Variants in TMEM132A observed in about 807,000 individuals in gnomAD.
TMEM132A encodes GRP78-binding protein.
A neutral mutation model predicts 69.9 loss-of-function variants in TMEM132A; 48 were observed. That is an observed-to-expected ratio of 0.69 (90% confidence interval 0.55 to 0.87). The LOEUF (loss-of-function observed/expected upper bound fraction) is 0.87, where lower values mean the gene tolerates loss of function less well. Ranked by LOEUF, TMEM132A falls within the 40% of genes least tolerant of loss-of-function variation. TMEM132A has a pLI of 0.00. For synonymous variants in TMEM132A, 577 were observed against 613.7 expected (o/e 0.94, Z 0.88); for missense variants, 1,287 against 1,407.2 (o/e 0.91, Z 1.37).
At chr11:60,930,462 C>A in intron 4 of TMEM132A, 48 bp from the exon 5 acceptor site, 1 of 1,519,484 alleles carries the variant, frequency 6.6e-7, no homozygotes, top group Non-Finnish European at 8.8e-7. Flanking sequence ...ATCCAGCCCA[C>A]AGTTCAGCAT....
chr11:60,933,704 G>T lies in TMEM132A; in HGVS notation c.1519G>T (p.Glu507Ter), dbSNP rs953558337. The T allele has an allele frequency of 1.9e-6, 3 of 1,598,320 alleles. No individual in the cohort carries two copies. The highest frequency in any genetic ancestry group is 2.3e-5 in the East Asian group (1 of 44,256). Reference protein sequence around the residue: ...LRIELTDTTLEQVRGWRVPGP... With the variant: ...LRIELTDTTL Reference sequence around the variant, plus strand: ...TATCGAGCTCACCGACACCACCCTCGAGCAGGTCCGCGGCTGGAGGGTACC... The same window carrying T: ...TATCGAGCTCACCGACACCACCCTCTAGCAGGTCCGCGGCTGGAGGGTACC... Residue 507 changes from glutamate to a stop codon, truncating the protein, a stop_gained, in exon 8 of 11, where the codon GAG becomes TAG. Coordinates refer to ENST00000453848, the MANE Select transcript of TMEM132A (RefSeq NM_178031.3). LOFTEE classifies it high-confidence loss of function.
intron 3 of TMEM132A, among the ~76,000 whole-genome samples, 154 bp downstream of exon 3, chr11:60,928,013 A>G (rs1286992899): frequency 1.3e-5 from 2 of 152,200 alleles, no homozygotes; most frequent in African/African-American, 4.8e-5. Flanking sequence ...CAGTGCTGTG[A>G]AAAGGTTATT....
In TMEM132A at chr11:60,935,326, G is replaced by A. The variant is rs755999278; in HGVS notation, c.1911G>A (p.Leu637=). ...TGACGGACGACAAGGTCTCAGTGCT[G>A]GAGCTGAGGGTGCAGCCAGTGATGG... ...LAVTDDKVSV[L]ELRVQPVMGI... Residue 637 remains leucine (L), a synonymous_variant, in exon 10 of 11, where the codon CTG becomes CTA. Transcript: ENST00000453848. This position sits in a 1 kb window ranked among gnomAD's most constrained non-coding sequence, Gnocchi z 5.0. 6.2e-7 allele frequency: 1 copy of A among 1,613,088 alleles called. No individual in the cohort carries two copies. The highest frequency in any genetic ancestry group is 1.1e-5 in the South Asian group (1 of 90,758).
chr11:60,932,335 A>G (rs1856499203), intron 7 of TMEM132A: 2 of 532,766 alleles, frequency 3.8e-6, no homozygotes, highest in Non-Finnish European at 6.2e-6. Flanking sequence ...CCCCGACCTT[A>G]GACACTTTCA....
Position 60,935,851 on chromosome 11 carries a change from G to A in TMEM132A, c.2029-13G>A, listed in dbSNP as rs1565123361. The A allele has an allele frequency of 6.2e-7, 1 of 1,610,536 alleles. No homozygotes were observed. Among genetic ancestry groups the A allele is most frequent in the East Asian group, 2.2e-5 (1 of 44,878 alleles). The stretch of plus-strand genomic sequence containing the variant: ...CCCTCGCATGTCTCTGCCTGTGTCT[G>A]TGTGCCCCACAGGAGGTGGCCCTCT... On this transcript the variant is annotated splice_polypyrimidine_tract_variant and intron_variant, in intron 10 of 10. Coordinates refer to ENST00000453848, the MANE Select transcript of TMEM132A (RefSeq NM_178031.3). The surrounding 1 kb of genome is among the most constrained non-coding windows in gnomAD (Gnocchi z 5.0).
chr11:60,935,194 C>T lies in TMEM132A; in HGVS notation c.1837-58C>T. On this transcript the variant is annotated intron_variant, in intron 9 of 10. Coordinates refer to ENST00000453848, the MANE Select transcript of TMEM132A (RefSeq NM_178031.3). This position sits in a 1 kb window ranked among gnomAD's most constrained non-coding sequence, Gnocchi z 5.0. ...GGGTGCTGGGAGCACCCGGTTCCCTCTGGGTGGGGGCTGTCTGTATGGAAG... is the reference window on the plus strand; with the variant it reads ...GGGTGCTGGGAGCACCCGGTTCCCTTTGGGTGGGGGCTGTCTGTATGGAAG... The T allele has an allele frequency of 1.3e-6, 2 of 1,516,306 alleles. No individual in the cohort carries two copies. The highest frequency in any genetic ancestry group is 9.0e-7 in the Non-Finnish European group (1 of 1,117,158). The allele number at this position is 1,516,306 out of a possible 1,614,324, so 93.9% of individuals were successfully genotyped here. A position where few individuals can be genotyped will look rare whatever the true frequency, so the allele number is the denominator to read the frequency against.
chr11:60,936,435 A>G lies in TMEM132A; in HGVS notation c.2600A>G (p.Asn867Ser), dbSNP rs773485201. The change falls in exon 11 of 11, where the codon AAT becomes AGT. Residue 867 changes from asparagine (N) to serine (S), a missense_variant. Physicochemically the swap from Asn to Ser is conservative, Grantham distance 46 (BLOSUM62 1). Transcript: ENST00000453848. The stretch of plus-strand genomic sequence containing the variant: ...GTGGCCATCTTCATCTTCTTGGTCA[A>G]TGGTGTGGTCTTCGTCCTGCGCTAT... The part of the protein sequence containing the change: ...FCVAIFIFLV[N>S]GVVFVLRYQR... The G allele has an allele frequency of 9.3e-6, 15 of 1,614,038 alleles. No individual in the cohort carries two copies. Among genetic ancestry groups the G allele is most frequent in the Non-Finnish European group, 1.3e-5 (15 of 1,180,020 alleles).
rs1389786317 is a variant in TMEM132A at position 60,927,308 on chromosome 11, C to A, written c.205C>A (p.Pro69Thr). 1 of 1,613,420 alleles carries A rather than the reference C, an allele frequency of 6.2e-7. No individual in the cohort carries two copies. The highest frequency in any genetic ancestry group is 2.2e-5 in the East Asian group (1 of 44,872). The part of the protein sequence containing the change: ...FRVQQVGHYP[P>T]ANSSLSSRSE... The stretch of plus-strand genomic sequence containing the variant: ...TGTGCAGCAGGTGGGCCACTACCCA[C>A]CTGCCAACTCCTCTCTGAGCTCCCG... Residue 69 changes from proline to threonine, a missense_variant, in exon 2 of 11, where the codon CCT becomes ACT. By Grantham distance (38) the Pro-to-Thr change is conservative. Coordinates refer to ENST00000453848, the MANE Select transcript of TMEM132A (RefSeq NM_178031.3).
chr11:60,931,158 C>T (rs1295466046), intron 5 of TMEM132A, among the ~76,000 whole-genome samples: 1 of 152,270 alleles, frequency 6.6e-6, no homozygotes, highest in Non-Finnish European at 1.5e-5. Flanking sequence ...TAACATTCCC[C>T]TACCCAAGCC....
In TMEM132A at chr11:60,934,521, G is replaced by A. The variant is rs1476438004; in HGVS notation, c.1593G>A (p.Glu531=). 6.9e-6 allele frequency: 10 copies of A among 1,446,616 alleles called. No homozygotes were observed. The East Asian group carries it at 1.1e-4, about 16-fold the overall frequency. 89.6% of individuals were successfully genotyped at this position (1,446,616 alleles called of 1,614,324 possible). Residue 531 remains glutamate, a synonymous_variant, in exon 9 of 11, where the codon GAG becomes GAA. Transcript: ENST00000453848. ...AACCCGCTGCAGAGGCGTCGGATGA[G>A]GCCGAGCGGCGCGCCCGTGGCTGCC... ...PAEPAAEASD[E]AERRARGCHL...
chr11:60,935,472 G>A lies in TMEM132A; in HGVS notation c.2028+29G>A, dbSNP rs771338804. 13 of 1,570,076 alleles carry A rather than the reference G, an allele frequency of 8.3e-6. No homozygotes were observed. The South Asian group carries it at 1.1e-4, about 13-fold the overall frequency. On this transcript the variant is annotated intron_variant, in intron 10 of 10. Coordinates refer to ENST00000453848, the MANE Select transcript of TMEM132A (RefSeq NM_178031.3). The surrounding 1 kb of genome is among the most constrained non-coding windows in gnomAD (Gnocchi z 5.0). ...ACAGTTGGGGGGTCAGGGGGATGAG[G>A]TCAACATCTCCAGATGGGGGCTCAT...
In TMEM132A at chr11:60,936,652, C is replaced by T; in HGVS notation, c.2817C>T (p.Gly939=). 1 of 1,554,932 alleles carries T rather than the reference C, an allele frequency of 6.4e-7. No individual in the cohort carries two copies. The highest frequency in any genetic ancestry group is 8.7e-7 in the Non-Finnish European group (1 of 1,151,788). The change falls in exon 11 of 11, where the codon GGC becomes GGT. Residue 939 remains glycine (G), a synonymous_variant. Transcript: ENST00000453848. ...GGGEAPTLAP[G]PPGGTTSSSS... The stretch of plus-strand genomic sequence containing the variant: ...GGGAGGCCCCTACCCTGGCCCCTGG[C>T]CCTCCTGGGGGCACCACCAGCTCCT...
intron 4 of TMEM132A, among the ~76,000 whole-genome samples, 163 bp from the exon 5 acceptor site, chr11:60,930,347 A>C (rs1352706945): frequency 6.6e-6 from 1 of 152,110 alleles, no homozygotes; most frequent in African/African-American, 2.4e-5. Flanking sequence ...GTAAGGTGTG[A>C]GCTGCACTGA....
At chr11:60,934,828 C>T (rs1856554359) in intron 9 of TMEM132A, 64 bp downstream of exon 9, 3 of 1,494,212 alleles carry the variant, frequency 2.0e-6, no homozygotes, top group African/African-American at 1.4e-5. Context: ...CCAAAATGTT[C>T]GTGGGTGGGA....
chr11:60,936,177 C>T lies in TMEM132A; in HGVS notation c.2342C>T (p.Ala781Val). ...TPAPALPSSPAWSPPATEATM... is the reference protein window; with the variant it reads ...TPAPALPSSPVWSPPATEATM... ...GCCCCTGCTCTCCCATCCAGCCCTG[C>T]TTGGAGCCCACCAGCCACAGAAGCC... Residue 781 changes from alanine (A) to valine (V), a missense_variant, in exon 11 of 11, where the codon GCT (alanine) becomes GTT (valine). Physicochemically the swap from Ala to Val is moderately conservative, Grantham distance 64 (BLOSUM62 0). Coordinates refer to ENST00000453848, the MANE Select transcript of TMEM132A (RefSeq NM_178031.3). 6.2e-7 allele frequency: 1 copy of T among 1,613,962 alleles called. No individual in the cohort carries two copies. Among genetic ancestry groups the T allele is most frequent in the Non-Finnish European group, 8.5e-7 (1 of 1,179,908 alleles).
At chr11:60,931,555 T>G in intron 5 of TMEM132A, 134 bp from the exon 6 acceptor site, 1 of 885,910 alleles carries the variant, frequency 1.1e-6, no homozygotes, top group Non-Finnish European at 1.7e-6. Flanking sequence ...CTGTGTGGTC[T>G]TAAGTGAGCT....
Position 60,934,537 on chromosome 11 carries a change from C to T in TMEM132A, c.1609C>T (p.Arg537Cys), listed in dbSNP as rs757327072. Residue 537 changes from arginine (R) to cysteine (C), a missense_variant, in exon 9 of 11, where the codon CGT (arginine) becomes TGT (cysteine). Physicochemically the swap from Arg to Cys is radical, Grantham distance 180. Transcript: ENST00000453848. The stretch of plus-strand genomic sequence containing the variant: ...GTCGGATGAGGCCGAGCGGCGCGCC[C>T]GTGGCTGCCACCTGCAGTACCAGCG... ...EASDEAERRA[R>C]GCHLQYQRAG... The T allele has an allele frequency of 2.0e-5, 29 of 1,478,688 alleles. No homozygotes were observed. The African/African-American group carries it at 2.9e-4, about 15-fold the overall frequency. The allele number at this position is 1,478,688 out of a possible 1,614,324, so 91.6% of individuals were successfully genotyped here.
intron 3 of TMEM132A, among the ~76,000 whole-genome samples, chr11:60,928,338 G>A (rs1223625063): frequency 1.3e-5 from 2 of 152,190 alleles, no homozygotes; most frequent in Non-Finnish European, 2.9e-5. Flanking sequence ...ATTCTAGGCA[G>A]GATAGTCCTG....
At position 60,936,099 on chromosome 11, in the gene TMEM132A, T is replaced by TGCCTCTG. The variant is rs1856591514; in HGVS notation, c.2274_2280dup (p.Thr761LeufsTer36). On this transcript the variant is annotated frameshift_variant, in exon 11 of 11. Transcript: ENST00000453848. LOFTEE classifies it low-confidence loss of function (END_TRUNC). ...CCCTGCCGCCGGGGCCGCCACCGTGTGCCTCTGGCCTCTGGCACCGCCTGG... is the reference window on the plus strand; with the variant it reads ...CCCTGCCGCCGGGGCCGCCACCGTGTGCCTCTGGCCTCTGGCCTCTGGCACCGCCTGG... The TGCCTCTG allele has an allele frequency of 1.2e-6, 2 of 1,611,830 alleles. No individual in the cohort carries two copies. Among genetic ancestry groups the TGCCTCTG allele is most frequent in the Non-Finnish European group, 8.5e-7 (1 of 1,179,102 alleles).
Sources: gnomAD v4.1 joint callset for allele counts (sites outside exome capture counted in the v4.1 genomes callset) on GRCh38, gnomAD v4.1.1 for gene constraint, Gnocchi (gnomAD v3.1) non-coding constraint, MANE v1.5 for transcripts, NCBI Gene and HGNC (gene_info 2026-07-23, HGNC 2026-07-21) for gene names.